The following KLRG1 variants were observed in gnomAD, a reference collection of about 807,000 sequenced individuals.
KLRG1 encodes the protein killer cell lectin like receptor G1.
In KLRG1, 16 loss-of-function variants were observed where a neutral mutation model predicts 21.8. The observed-to-expected ratio is 0.73, with a 90% CI of 0.50 to 1.11. The LOEUF is 1.11. Ranked by LOEUF, KLRG1 falls within the 50% of genes most tolerant of loss-of-function variation. The pLI, the probability that KLRG1 is intolerant of heterozygous loss-of-function variation, is 0.00. For missense variants in KLRG1, 173 were observed against 218.3 expected (o/e 0.79, Z 1.31); for synonymous variants, 69 against 75.9 (o/e 0.91, Z 0.47).
chr12:9,181,158 C>T, the KLRG1 span: 1 of 1,613,744 alleles, frequency 6.2e-7, no homozygotes, highest in South Asian at 1.1e-5. Flanking sequence ...GAAACGTCAA[C>T]CAGTGTTTTC....
the KLRG1 span, chr12:9,135,360 G>C: frequency 3.2e-6 from 1 of 316,730 alleles, no homozygotes; most frequent in East Asian, 1.0e-4. Flanking sequence ...CTTTTCCCAA[G>C]TGAACTCACA....
the KLRG1 span, among the ~76,000 whole-genome samples, chr12:9,144,165 A>AGAGAG: frequency 2.0e-5 from 3 of 149,554 alleles, no homozygotes; most frequent in African/African-American, 7.3e-5. Context: ...CCACATGAGG[A>AGAGAG]AGAGAGAGAG....
At chr12:8,989,476 G>C, upstream of KLRG1, 1 of 570,804 alleles carries the variant, frequency 1.8e-6, no homozygotes, top group Non-Finnish European at 3.1e-6. Flanking sequence ...ATTTCTATAG[G>C]CAGCCCCCAA....
the KLRG1 span, among the ~76,000 whole-genome samples, chr12:9,045,169 CT>C: frequency 6.6e-6 from 1 of 152,158 alleles, no homozygotes; most frequent in Non-Finnish European, 1.5e-5. Flanking sequence ...AAATCAACAA[CT>C]TTTCTTAGAT....
the KLRG1 span, among the ~76,000 whole-genome samples, chr12:9,047,409 A>G: frequency 6.6e-6 from 1 of 152,194 alleles, no homozygotes; most frequent in African/African-American, 2.4e-5. Flanking sequence ...AGCACTGAAA[A>G]TGTTTTTTTG....
chr12:9,095,587 A>G, the KLRG1 span: 1 of 1,612,164 alleles, frequency 6.2e-7, no homozygotes, highest in Non-Finnish European at 8.5e-7. Flanking sequence ...ATACTGGAGT[A>G]TATGTGATTC....
At chr12:9,065,894 T>C in the KLRG1 span, 1 of 152,104 alleles carries the variant, frequency 6.6e-6, no homozygotes, top group Non-Finnish European at 1.5e-5. Context: ...AACTACCCAT[T>C]CCAGAACCTC....
chr12:9,031,687 G>T, the KLRG1 span, among the ~76,000 whole-genome samples: 4 of 152,234 alleles, frequency 2.6e-5, no homozygotes, highest in African/African-American at 4.8e-5. Flanking sequence ...TCGGGGCACA[G>T]CTTAGTTTTA....
the KLRG1 span, among the ~76,000 whole-genome samples, chr12:9,132,444 G>A: frequency 6.6e-6 from 1 of 152,252 alleles, no homozygotes; most frequent in African/African-American, 2.4e-5. Flanking sequence ...TAAAGAGAGA[G>A]AGAGTCAGAG....
the KLRG1 span, among the ~76,000 whole-genome samples, chr12:9,159,785 G>T: frequency 6.6e-6 from 1 of 151,396 alleles, no homozygotes; most frequent in African/African-American, 2.4e-5. Flanking sequence ...TGACTTATCA[G>T]CCTTCATAGC....
chr12:9,186,396 G>T, the KLRG1 span, among the ~76,000 whole-genome samples: 1 of 152,112 alleles, frequency 6.6e-6, no homozygotes, highest in Non-Finnish European at 1.5e-5. Context: ...TCAAATTCAC[G>T]CATCTCAATA....
downstream of KLRG1, among the ~76,000 whole-genome samples, chr12:9,012,081 T>C (rs964814995): frequency 3.9e-5 from 6 of 152,294 alleles, no homozygotes; most frequent in Admixed American, 3.3e-4. Context: ...GTCCTGGTGC[T>C]ATGCTAGGCT....
At chr12:9,166,222 T>G in the KLRG1 span, 2 of 1,606,356 alleles carry the variant, frequency 1.2e-6, no homozygotes, top group Non-Finnish European at 1.7e-6. Context: ...GAGAAAATTG[T>G]CTAGTTAGGG....
At chr12:9,196,575 C>A in the KLRG1 span, 3 of 1,601,736 alleles carry the variant, frequency 1.9e-6, no homozygotes, top group African/African-American at 4.0e-5. Flanking sequence ...TCACACCTGT[C>A]CCCTCTTCTC....
At chr12:9,113,041 T>C in the KLRG1 span, among the ~76,000 whole-genome samples, 1 of 152,142 alleles carries the variant, frequency 6.6e-6, no homozygotes, top group Non-Finnish European at 1.5e-5. Context: ...TGGCTCATGT[T>C]GAGCCTTGGT....
At chr12:9,188,514 C>A in the KLRG1 span, among the ~76,000 whole-genome samples, 2 of 152,148 alleles carry the variant, frequency 1.3e-5, no homozygotes, top group African/African-American at 4.8e-5. Flanking sequence ...TATTGGAAGT[C>A]CTCACCAGAA....
chr12:9,196,506 G>T, the KLRG1 span: 4 of 1,569,568 alleles, frequency 2.5e-6, no homozygotes, highest in South Asian at 3.3e-5. Context: ...TCTTACAAAT[G>T]ACCTTTATTT....
At chr12:9,053,708 G>C in the KLRG1 span, among the ~76,000 whole-genome samples, 1 of 152,276 alleles carries the variant, frequency 6.6e-6, no homozygotes, top group East Asian at 1.9e-4. Context: ...GTTGTTTGCT[G>C]CCTGTTGCCC....
At chr12:8,955,261 A>G (rs1053185201) in intron 1 of KLRG1, among the ~76,000 whole-genome samples, 2 of 151,990 alleles carry the variant, frequency 1.3e-5, no homozygotes, top group Admixed American at 1.3e-4. Context: ...TGACAAATGC[A>G]TCATAACTGT....
Sources: allele counts gnomAD v4.1 joint callset (sites outside exome capture counted in the v4.1 genomes callset), GRCh38; gene constraint gnomAD v4.1.1; transcripts MANE v1.5; gene names NCBI Gene and HGNC (gene_info 2026-07-23, HGNC 2026-07-21).